Variants in FRMD3 observed in about 807,000 individuals in gnomAD.
The protein encoded by FRMD3 is FERM domain containing 3.
In FRMD3, 33 loss-of-function variants were observed where a neutral mutation model predicts 70.2. The ratio of observed to expected loss-of-function variants is 0.47; its 90% CI spans 0.36 to 0.63. FRMD3 has a LOEUF of 0.63. FRMD3 is among the 20% of genes least tolerant of loss of function. The probability of loss-of-function intolerance (pLI) is 0.00; values close to 1 mark genes in which losing one functional copy is unlikely to be tolerated. For synonymous variants in FRMD3, 279 were observed against 255.9 expected, an observed-to-expected ratio of 1.09 and a Z score of -0.86; for missense variants, 632 against 711.4, an observed-to-expected ratio of 0.89 and a Z score of 1.27.
chr9:83,584,136 C>T, the FRMD3 span, among the ~76,000 whole-genome samples: 2 of 151,994 alleles, frequency 1.3e-5, no homozygotes, highest in African/African-American at 4.8e-5. Context: ...GAGATCGAGA[C>T]CATCTTGGCC....
intron 12 of FRMD3, among the ~76,000 whole-genome samples, chr9:83,293,429 C>T (rs1317469502): frequency 6.6e-6 from 1 of 152,196 alleles, no homozygotes; most frequent in Admixed American, 6.5e-5. Context: ...CTCTGACCAT[C>T]CATGCCAGCT....
intron 1 of FRMD3, among the ~76,000 whole-genome samples, chr9:83,490,740 A>T (rs2131495803): frequency 6.6e-6 from 1 of 151,782 alleles, no homozygotes; most frequent in African/African-American, 2.4e-5. Context: ...AATAGCTTAT[A>T]AAAAATCCAG....
the FRMD3 span, among the ~76,000 whole-genome samples, chr9:83,579,303 A>C: frequency 6.8e-6 from 1 of 146,274 alleles, no homozygotes; most frequent in African/African-American, 2.5e-5. Flanking sequence ...GAGAAATGTA[A>C]AAAAAAAAAA....
chr9:83,451,857 T>C (rs911991014), intron 1 of FRMD3, among the ~76,000 whole-genome samples: 4 of 152,248 alleles, frequency 2.6e-5, no homozygotes, highest in African/African-American at 9.6e-5. Context: ...TTATAACTAT[T>C]ATAACTAATA....
intron 1 of FRMD3, among the ~76,000 whole-genome samples, chr9:83,461,379 C>A (rs567371913): frequency 1.4e-4 from 21 of 152,190 alleles, no homozygotes; most frequent in Admixed American, 1.4e-3. Context: ...GATTTTTAGC[C>A]CACTGAGACC....
At chr9:83,412,977 G>C (rs1214938893) in intron 1 of FRMD3, among the ~76,000 whole-genome samples, 1 of 151,830 alleles carries the variant, frequency 6.6e-6, no homozygotes, top group African/African-American at 2.4e-5. Context: ...CTGGGCAACA[G>C]AGTGAGACTC....
chr9:83,351,323 T>C lies in FRMD3; in HGVS notation c.296-1566A>G, dbSNP rs374792990. Among the ~76,000 whole-genome samples the C allele has an allele frequency of 7.6e-5, 11 of 143,872 alleles. No homozygotes were observed. In the East Asian group the frequency reaches 1.8e-3, roughly 24 times the overall value. 94.4% of individuals were successfully genotyped at this position (143,872 alleles called of 152,430 possible). ...GATCTCAGCAGAGAAAAACTGATCATACACACACACACACACACACACACA... is the reference window on the plus strand; with the variant it reads ...GATCTCAGCAGAGAAAAACTGATCACACACACACACACACACACACACACA... On this transcript the variant is annotated intron_variant, in intron 3 of 13. Transcript: ENST00000304195.
chr9:83,540,810 A>G (rs548198559), upstream of FRMD3, among the ~76,000 whole-genome samples: 1 of 152,364 alleles, frequency 6.6e-6, no homozygotes, highest in African/African-American at 2.4e-5. Context: ...ACAGAGCTCA[A>G]AGAATATCTT....
chr9:83,578,957 C>T, the FRMD3 span, among the ~76,000 whole-genome samples: 1 of 151,888 alleles, frequency 6.6e-6, no homozygotes, highest in Non-Finnish European at 1.5e-5. Flanking sequence ...ACCTGATAAA[C>T]AGATTTAGTA....
chr9:83,555,873 A>G, the FRMD3 span, among the ~76,000 whole-genome samples: 2 of 152,170 alleles, frequency 1.3e-5, no homozygotes, highest in Non-Finnish European at 2.9e-5. Context: ...TCCTAACCCA[A>G]GGGTTGCAAA....
intron 13 of FRMD3, chr9:83,276,412 T>C (rs1039301834): frequency 9.8e-5 from 15 of 152,352 alleles, no homozygotes; most frequent in African/African-American, 3.6e-4. Context: ...CATAAATAAA[T>C]GAAGCTTTAA....
Position 83,467,864 on chromosome 9 carries a change from T to C in FRMD3, c.147+70221A>G. The C allele has an allele frequency of 3.2e-6, 4 of 1,239,694 alleles. No individual in the cohort carries two copies. In the East Asian group the frequency reaches 7.9e-5, roughly 25 times the overall value. The allele number at this position is 1,239,694 out of a possible 1,614,324, so 76.8% of individuals were successfully genotyped here. ...TAGGTTGATGGTTTTTTAAAAAAGT[T>C]ACAAACATGAGATGCTTTTAATTGT... On this transcript the variant is annotated intron_variant, in intron 1 of 13. Transcript: ENST00000304195.
intron 3 of FRMD3, among the ~76,000 whole-genome samples, chr9:83,365,988 A>G (rs573743103): frequency 6.6e-6 from 1 of 152,256 alleles, no homozygotes; most frequent in South Asian, 2.1e-4. Context: ...CCCCACTCAA[A>G]GGTCAGGTGG....
At chr9:83,581,102 AT>A in the FRMD3 span, among the ~76,000 whole-genome samples, 2 of 55,872 alleles carry the variant, frequency 3.6e-5, no homozygotes, top group Admixed American at 5.0e-4. Context: ...TAAAGATGAA[AT>A]GTTAAATAAA....
intron 6 of FRMD3, among the ~76,000 whole-genome samples, chr9:83,325,670 C>T (rs554027124): frequency 1.4e-3 from 217 of 152,216 alleles, no homozygotes; most frequent in Middle Eastern, 3.4e-3. Context: ...CTAAACATTG[C>T]CATTTATCAA....
chr9:83,458,685 A>C lies in FRMD3; in HGVS notation c.148-68977T>G, dbSNP rs144359270. Among the ~76,000 whole-genome samples, 348 of 152,360 alleles carry C rather than the reference A, an allele frequency of 2.3e-3. 2 individuals carry two copies. Among genetic ancestry groups the C allele is most frequent in the African/African-American group, 8.0e-3 (333 of 41,584 alleles). ...ACAGAAATGAAAAGCAAGGAGATTCAGAAAACAAGAAGAGTACATCTACAA... is the reference window on the plus strand; with the variant it reads ...ACAGAAATGAAAAGCAAGGAGATTCCGAAAACAAGAAGAGTACATCTACAA... On this transcript the variant is annotated intron_variant, in intron 1 of 13. Transcript: ENST00000304195.
chr9:83,254,240 C>T lies in FRMD3; in HGVS notation c.1196-5724G>A, dbSNP rs200629206. Among the ~76,000 whole-genome samples, 34 of 151,540 alleles carry T rather than the reference C, an allele frequency of 2.2e-4. No individual in the cohort carries two copies. The East Asian group carries it at 5.4e-3, about 24-fold the overall frequency. On this transcript the variant is annotated intron_variant, in intron 13 of 13. Transcript: ENST00000304195. Reference sequence around the variant, plus strand: ...GTAACAAACCTGCATGTTGTGCACACGTACCCTAGAACTTAAAGTATGATA... The same window carrying T: ...GTAACAAACCTGCATGTTGTGCACATGTACCCTAGAACTTAAAGTATGATA...
At chr9:83,574,910 C>T in the FRMD3 span, among the ~76,000 whole-genome samples, 2 of 152,026 alleles carry the variant, frequency 1.3e-5, no homozygotes, top group Non-Finnish European at 2.9e-5. Flanking sequence ...TATTACTTAC[C>T]AGATGTGATT....
chr9:83,494,858 T>TGTGTGCGC (rs781680772), intron 1 of FRMD3, among the ~76,000 whole-genome samples: 2 of 148,718 alleles, frequency 1.3e-5, no homozygotes, highest in African/African-American at 4.9e-5. Flanking sequence ...TGTGTGTGTG[T>TGTGTGCGC]GCGCGCGCGC....
Sources: gnomAD v4.1 joint callset for allele counts (sites outside exome capture counted in the v4.1 genomes callset) on GRCh38, gnomAD v4.1.1 for gene constraint, MANE v1.5 for transcripts, NCBI Gene and HGNC (gene_info 2026-07-23, HGNC 2026-07-21) for gene names.